The following KAT6A variants were observed in gnomAD, a reference collection of about 807,000 sequenced individuals.
KAT6A encodes histone acetyltransferase KAT6A.
Under a neutral mutation model 198.4 loss-of-function variants are expected in KAT6A, and 9 were observed. That is an observed-to-expected ratio of 0.05 (90% CI 0.03 to 0.08). KAT6A has a LOEUF of 0.08. Among genes scored for constraint, KAT6A ranks in the 10% least tolerant of loss-of-function variants. KAT6A has a pLI of 1.00. For synonymous variants in KAT6A, 890 were observed against 883.0 expected (o/e 1.01, Z -0.14); for missense variants, 2,077 against 2,509.9 (o/e 0.83, Z 3.69).
At chr8:41,963,834 A>G (rs1823326360) in intron 8 of KAT6A, among the ~76,000 whole-genome samples, 1 of 152,148 alleles carries the variant, frequency 6.6e-6, no homozygotes, top group African/African-American at 2.4e-5. Context: ...TTCATGATCT[A>G]GTACCCCTCC....
intron 2 of KAT6A, among the ~76,000 whole-genome samples, chr8:42,000,076 T>C (rs1825411681): frequency 6.6e-6 from 1 of 152,218 alleles, no homozygotes; most frequent in African/African-American, 2.4e-5. Context: ...TTCATTAAAA[T>C]TTCCTGTGGC....
chr8:41,933,968 T>A lies in KAT6A; in HGVS notation c.4252A>T (p.Ser1418Cys), dbSNP rs1821703564. Residue 1418 changes from serine (S) to cysteine (C), a missense_variant, in exon 17 of 17, where the codon AGT becomes TGT. Ser to Cys is a moderately radical substitution (Grantham distance 112). This residue lies in a region of KAT6A where 178 missense variants were observed against 220.8 expected (regional missense o/e 0.81). Transcript: ENST00000265713. This position sits in a 1 kb window ranked among gnomAD's most constrained non-coding sequence, Gnocchi z 6.2. ...ELKEEEEIPH[S>C]ELDLETVQAV... ...TGTACAGTTTCCAGATCCAGCTCACTATGAGGAATCTCTTCCTCCTCTTTT... is the reference window on the plus strand; with the variant it reads ...TGTACAGTTTCCAGATCCAGCTCACAATGAGGAATCTCTTCCTCCTCTTTT... 1 of 1,613,986 alleles carries A rather than the reference T, an allele frequency of 6.2e-7. No homozygotes were observed. The highest frequency in any genetic ancestry group is 1.1e-5 in the South Asian group (1 of 91,082).
intron 2 of KAT6A, among the ~76,000 whole-genome samples, chr8:42,018,421 A>C (rs1440686072): frequency 6.6e-6 from 1 of 152,198 alleles, no homozygotes; most frequent in Non-Finnish European, 1.5e-5. Flanking sequence ...CTGAAGTAGG[A>C]GAATCGCTTG....
chr8:41,942,242 A>G, intron 14 of KAT6A: 1 of 219,622 alleles, frequency 4.6e-6, no homozygotes. Context: ...GCCCCATCAG[A>G]AAACATACAC....
Position 42,034,695 on chromosome 8 carries a change from C to A in KAT6A, c.600+13683G>T, listed in dbSNP as rs1827284806. 2.0e-5 allele frequency among the ~76,000 whole-genome samples: 3 copies of A among 152,152 alleles called. No homozygotes were observed. The South Asian group carries it at 6.2e-4, about 32-fold the overall frequency. ...AAAATTTAAAATTCAGCTCCTCACTCAACTGGCCATATTGCAAGAGCTCAA... is the reference window on the plus strand; with the variant it reads ...AAAATTTAAAATTCAGCTCCTCACTAAACTGGCCATATTGCAAGAGCTCAA... On this transcript the variant is annotated intron_variant, in intron 2 of 16. Coordinates refer to ENST00000265713, the MANE Select transcript of KAT6A (RefSeq NM_006766.5).
chr8:41,935,837 G>A (rs964099173), intron 16 of KAT6A, among the ~76,000 whole-genome samples: 4 of 152,182 alleles, frequency 2.6e-5, no homozygotes, highest in Non-Finnish European at 5.9e-5. Context: ...ATCTAAGACA[G>A]AATATAAAGT....
At chr8:42,040,650 G>A (rs753545267) in intron 2 of KAT6A, among the ~76,000 whole-genome samples, 28 of 137,754 alleles carry the variant, frequency 2.0e-4, no homozygotes, top group African/African-American at 3.3e-4. Context: ...CAGGAGAATC[G>A]CCTGAACCCA....
intron 15 of KAT6A, 117 bp from the exon 16 acceptor site, chr8:41,937,685 G>T: frequency 1.4e-6 from 1 of 725,568 alleles, no homozygotes; most frequent in South Asian, 2.2e-5. Flanking sequence ...GATGTTGTTT[G>T]CCAAAAAATA....
chr8:42,014,587 T>C (rs1000300339), intron 2 of KAT6A, among the ~76,000 whole-genome samples: 1 of 152,142 alleles, frequency 6.6e-6, no homozygotes, highest in Non-Finnish European at 1.5e-5. Context: ...CAATCCACTG[T>C]ATGATCAATA....
intron 12 of KAT6A, 84 bp downstream of exon 12, chr8:41,946,489 TATATACACACACACACAC>T (rs1822394516): frequency 1.1e-5 from 5 of 453,860 alleles, no homozygotes; most frequent in African/African-American, 6.4e-5. Flanking sequence ...TAAATATATA[TATATACACACACACACAC>T]ACACACACAC....
intron 2 of KAT6A, among the ~76,000 whole-genome samples, chr8:42,022,010 A>G (rs10958706): frequency 0.29 from 44,020 of 152,030 alleles, 6,520 homozygotes; most frequent in Middle Eastern, 0.45. Flanking sequence ...TCAACTCCAA[A>G]TGTGTATTTT....
chr8:41,935,570 T>C (rs938282813), intron 16 of KAT6A, among the ~76,000 whole-genome samples: 1 of 152,220 alleles, frequency 6.6e-6, no homozygotes, highest in African/African-American at 2.4e-5. Context: ...AAAAAAACTA[T>C]GGTAAACTAT....
Position 41,933,463 on chromosome 8 carries a change from C to G in KAT6A, c.4757G>C (p.Ser1586Thr). The change falls in exon 17 of 17, where the codon AGC becomes ACC. Residue 1586 changes from serine (S) to threonine (T), a missense_variant. Ser to Thr is a moderately conservative substitution (Grantham distance 58). Around this residue, in one of 13 missense-constraint regions of KAT6A, gnomAD observed 500 missense variants for 577.2 expected, o/e 0.87. Transcript: ENST00000265713. This position sits in a 1 kb window ranked among gnomAD's most constrained non-coding sequence, Gnocchi z 6.2. ...SICGNSSSQS[S>T]CSYGGLSSSS... is the part of the protein sequence containing the mutation. ...GGACGACAGCCCACCGTAGGAGCAGCTGCTCTGGGAAGAGCTGTTCCCACA... is the reference window on the plus strand; with the variant it reads ...GGACGACAGCCCACCGTAGGAGCAGGTGCTCTGGGAAGAGCTGTTCCCACA... 6.2e-7 allele frequency: 1 copy of G among 1,612,888 alleles called. No homozygotes were observed. Among genetic ancestry groups the G allele is most frequent in the South Asian group, 1.1e-5 (1 of 90,998 alleles).
chr8:41,961,572 G>A (rs1823203056), intron 8 of KAT6A, among the ~76,000 whole-genome samples: 1 of 152,032 alleles, frequency 6.6e-6, no homozygotes. Flanking sequence ...GGCCAACATG[G>A]TGAAACCCTG....
At position 41,987,346 on chromosome 8, in the gene KAT6A, G is replaced by A. The variant is rs560351166; in HGVS notation, c.709+109C>T. On this transcript the variant is annotated intron_variant, in intron 3 of 16. Transcript: ENST00000265713. ...AACTTATCCCCCATAATTAAAAGAT[G>A]TATGACTGTATTAATCTCATAAGGA... 61 of 685,704 alleles carry A rather than the reference G, an allele frequency of 8.9e-5. No homozygotes were observed. In the African/African-American group the frequency reaches 9.1e-4, roughly 10 times the overall value. The allele number at this position is 685,704 out of a possible 1,614,324, so 42.5% of individuals were successfully genotyped here. A position where few individuals can be genotyped will look rare whatever the true frequency, so the allele number is the denominator to read the frequency against.
At chr8:41,969,063 T>C (rs924782480) in intron 8 of KAT6A, among the ~76,000 whole-genome samples, 5 of 152,296 alleles carry the variant, frequency 3.3e-5, no homozygotes, top group East Asian at 3.9e-4. Flanking sequence ...ACAGAAACTA[T>C]GTCCTTCTGA....
At position 41,943,850 on chromosome 8, in the gene KAT6A, T is replaced by C. The variant is rs1822257194; in HGVS notation, c.2126A>G (p.Lys709Arg). The C allele has an allele frequency of 6.2e-7, 1 of 1,613,850 alleles. No individual in the cohort carries two copies. The highest frequency in any genetic ancestry group is 1.7e-5 in the Admixed American group (1 of 59,996). ...ILECLYHQND[K>R]QISIKKLSKL... ...GCTTAACTTCTTAATGCTGATCTGC[T>C]TGTCATTTTGGTGATAAAGGCACTC... Residue 709 changes from lysine to arginine, a missense_variant, in exon 13 of 17, where the codon AAG (lysine) becomes AGG (arginine). Lys to Arg is a conservative substitution (Grantham distance 26). Coordinates refer to ENST00000265713, the MANE Select transcript of KAT6A (RefSeq NM_006766.5).
At chr8:41,962,747 C>T (rs1823272522) in intron 8 of KAT6A, among the ~76,000 whole-genome samples, 1 of 152,130 alleles carries the variant, frequency 6.6e-6, no homozygotes, top group Non-Finnish European at 1.5e-5. Context: ...CCTACAAAAG[C>T]CAGCCTTCCA....
At position 41,930,717 on chromosome 8, in the gene KAT6A, T is replaced by C. The variant is rs1821493610; in HGVS notation, c.*1488A>G. 1.0e-5 allele frequency: 1 copy of C among 97,252 alleles called. No individual in the cohort carries two copies. The highest frequency in any genetic ancestry group is 1.2e-4 in the Admixed American group (1 of 8,372). The allele number at this position is 97,252 out of a possible 1,614,324, so 6.0% of individuals were successfully genotyped here. A position where few individuals can be genotyped will look rare whatever the true frequency, so the allele number is the denominator to read the frequency against. Reference sequence around the variant, plus strand: ...GTGTGTGTGTGTGTGTGTGTATATATATATATATATATTTTTTTTTTTTTT... The same window carrying C: ...GTGTGTGTGTGTGTGTGTGTATATACATATATATATATTTTTTTTTTTTTT... On this transcript the variant is annotated 3_prime_UTR_variant, in exon 17 of 17. Coordinates refer to ENST00000265713, the MANE Select transcript of KAT6A (RefSeq NM_006766.5).
Sources: allele counts gnomAD v4.1 joint callset (sites outside exome capture counted in the v4.1 genomes callset), GRCh38; gene constraint gnomAD v4.1.1; regional missense constraint gnomAD v4.1.1; non-coding constraint Gnocchi (gnomAD v3.1); transcripts MANE v1.5; gene names NCBI Gene and HGNC (gene_info 2026-07-23, HGNC 2026-07-21).